ROBO2: variants seen among roughly 807,000 people sequenced by gnomAD.
The protein encoded by ROBO2 is roundabout guidance receptor 2.
ROBO2 carries 53 observed loss-of-function variants against 160.8 expected under a neutral mutation model. The ratio of observed to expected loss-of-function variants is 0.33; its 90% CI spans 0.26 to 0.41. The LOEUF is 0.41. Among genes scored for constraint, ROBO2 ranks in the 10% least tolerant of loss-of-function variants. ROBO2 has a pLI of 1.00. For missense variants in ROBO2, 1,577 were observed against 1,722.4 expected (o/e 0.92, Z 1.49); for synonymous variants, 664 against 611.7 (o/e 1.09, Z -1.26).
chr3:77,427,458 A>T (rs372127072), intron 2 of ROBO2, among the ~76,000 whole-genome samples: 8 of 152,318 alleles, frequency 5.3e-5, no homozygotes, highest in Middle Eastern at 3.4e-3. Context: ...CGTATCTCAT[A>T]AGTGGTACAC....
intron 2 of ROBO2, among the ~76,000 whole-genome samples, chr3:77,261,075 C>G (rs1397963108): frequency 6.6e-6 from 1 of 152,146 alleles, no homozygotes; most frequent in Non-Finnish European, 1.5e-5. Context: ...CAGCCTGTCA[C>G]GTATCTGAGG....
chr3:76,800,305 C>T (rs986489706), intron 2 of ROBO2, among the ~76,000 whole-genome samples: 3 of 152,058 alleles, frequency 2.0e-5, no homozygotes, highest in African/African-American at 7.2e-5. Flanking sequence ...AAGACATTGG[C>T]CTAGGCAAAG....
At chr3:76,217,275 T>C (rs6549848) in intron 2 of ROBO2, among the ~76,000 whole-genome samples, 135,993 of 152,076 alleles carry the variant, frequency 0.89, 61,210 homozygotes, top group Non-Finnish European at 0.95. Flanking sequence ...AGAGCAAACA[T>C]ATTCAAAAGC....
At chr3:76,201,121 T>G (rs1702505556) in intron 2 of ROBO2, among the ~76,000 whole-genome samples, 1 of 152,178 alleles carries the variant, frequency 6.6e-6, no homozygotes, top group African/African-American at 2.4e-5. Context: ...CCCTGAGGTT[T>G]ATAAATGGTT....
chr3:77,386,327 T>C (rs79987147), intron 2 of ROBO2, among the ~76,000 whole-genome samples: 6,302 of 152,240 alleles, frequency 0.041, 454 homozygotes, highest in African/African-American at 0.14. Context: ...CTAAAGTAAA[T>C]TGTTAATGTT....
intron 1 of ROBO2, among the ~76,000 whole-genome samples, chr3:77,043,454 G>T (rs1048963639): frequency 6.6e-6 from 1 of 152,096 alleles, no homozygotes; most frequent in Non-Finnish European, 1.5e-5. Context: ...CCTCATAGAA[G>T]CTATCTGCTA....
At chr3:76,246,525 T>G (rs1705632941) in intron 2 of ROBO2, among the ~76,000 whole-genome samples, 2 of 152,156 alleles carry the variant, frequency 1.3e-5, no homozygotes, top group Admixed American at 1.3e-4. Flanking sequence ...TTTCATGAGT[T>G]TTTACGAACA....
intron 2 of ROBO2, among the ~76,000 whole-genome samples, chr3:76,048,736 G>A (rs1192692639): frequency 6.6e-6 from 1 of 152,112 alleles, no homozygotes. Flanking sequence ...GTGCATCAGG[G>A]CACACAAGAG....
chr3:75,919,970 A>G (rs916075498), intron 1 of ROBO2, among the ~76,000 whole-genome samples: 12 of 151,684 alleles, frequency 7.9e-5, no homozygotes, highest in Admixed American at 6.6e-5. Flanking sequence ...TATTTTGTTA[A>G]TCTTTTCAAA....
At chr3:77,076,300 TAA>T (rs1317385942) in intron 1 of ROBO2, among the ~76,000 whole-genome samples, 2 of 152,128 alleles carry the variant, frequency 1.3e-5, no homozygotes, top group Non-Finnish European at 2.9e-5. Flanking sequence ...GAAGACTCTT[TAA>T]CTTTTTAGGG....
intron 2 of ROBO2, among the ~76,000 whole-genome samples, chr3:76,305,108 G>T (rs892220072): frequency 6.6e-6 from 1 of 151,990 alleles, no homozygotes; most frequent in African/African-American, 2.4e-5. Flanking sequence ...CTTCAGTCAA[G>T]AAAAGCATTT....
intron 2 of ROBO2, among the ~76,000 whole-genome samples, chr3:77,206,498 A>G (rs548974185): frequency 1.3e-5 from 2 of 152,220 alleles, no homozygotes; most frequent in African/African-American, 2.4e-5. Flanking sequence ...GTCTTATTGT[A>G]TTAAAGAACC....
At chr3:77,405,922 T>G (rs1327393140) in intron 2 of ROBO2, among the ~76,000 whole-genome samples, 1 of 152,172 alleles carries the variant, frequency 6.6e-6, no homozygotes, top group Non-Finnish European at 1.5e-5. Flanking sequence ...AACGTGAATT[T>G]GATTTGAATG....
chr3:77,379,540 T>C (rs2073159871), intron 2 of ROBO2, among the ~76,000 whole-genome samples: 1 of 152,212 alleles, frequency 6.6e-6, no homozygotes, highest in Non-Finnish European at 1.5e-5. Context: ...TAGAGCTCTA[T>C]AACTTGAAGA....
chr3:76,893,039 T>C (rs939988067), intron 2 of ROBO2, among the ~76,000 whole-genome samples: 10 of 152,176 alleles, frequency 6.6e-5, no homozygotes, highest in African/African-American at 2.4e-4. Context: ...TGCCTGAAAC[T>C]GTCTCCTCCA....
intron 2 of ROBO2, among the ~76,000 whole-genome samples, chr3:76,661,846 A>G (rs934760528): frequency 6.6e-6 from 1 of 152,176 alleles, no homozygotes; most frequent in Non-Finnish European, 1.5e-5. Context: ...TGTCTACAGA[A>G]TGTAAATTTT....
At chr3:76,219,436 G>A (rs934873958) in intron 2 of ROBO2, among the ~76,000 whole-genome samples, 5 of 152,116 alleles carry the variant, frequency 3.3e-5, no homozygotes, top group South Asian at 2.1e-4. Flanking sequence ...CCTGACAAAA[G>A]GCTAATATCC....
chr3:76,768,390 T>A (rs1289972287), intron 2 of ROBO2, among the ~76,000 whole-genome samples: 1 of 151,414 alleles, frequency 6.6e-6, no homozygotes, highest in African/African-American at 2.4e-5. Context: ...GACCGCCTTT[T>A]CTCAAAGACT....
At chr3:77,639,077 A>G (rs1021822722) in intron 24 of ROBO2, among the ~76,000 whole-genome samples, 3 of 151,290 alleles carry the variant, frequency 2.0e-5, no homozygotes, top group African/African-American at 7.3e-5. Context: ...CTCTCTGCCC[A>G]CCTCCACCTC....
Sources: gnomAD v4.1 joint callset for allele counts (sites outside exome capture counted in the v4.1 genomes callset) on GRCh38, gnomAD v4.1.1 for gene constraint, MANE v1.5 for transcripts, NCBI Gene and HGNC (gene_info 2026-07-23, HGNC 2026-07-21) for gene names.